ST8SIA4: variants seen among roughly 807,000 people sequenced by gnomAD.
ST8SIA4 encodes the protein ST8 alpha-N-acetyl-neuraminide alpha-2,8-sialyltransferase 4, also known as CMP-N-acetylneuraminate-poly-alpha-2,8-sialyltransferase.
ST8SIA4 carries 15 observed loss-of-function variants against 33.9 expected under a neutral mutation model. The ratio of observed to expected loss-of-function variants is 0.44; its 90% CI spans 0.30 to 0.68. The LOEUF is 0.68. ST8SIA4 is among the 30% of genes least tolerant of loss of function. ST8SIA4 has a pLI of 0.10. For missense variants in ST8SIA4, 321 were observed against 428.0 expected (o/e 0.75, Z 2.21); for synonymous variants, 171 against 151.2 (o/e 1.13, Z -0.96).
At chr5:100,898,356 C>G (rs1295847230) in intron 1 of ST8SIA4, among the ~76,000 whole-genome samples, 1 of 152,126 alleles carries the variant, frequency 6.6e-6, no homozygotes, top group Non-Finnish European at 1.5e-5. Flanking sequence ...CCTAGAAATA[C>G]AGATACATTT....
intron 4 of ST8SIA4, among the ~76,000 whole-genome samples, chr5:100,826,455 G>A (rs1283818197): frequency 6.6e-6 from 1 of 152,104 alleles, no homozygotes; most frequent in Non-Finnish European, 1.5e-5. Context: ...TAAGCCATCT[G>A]GGGAATATGA....
At chr5:100,812,514 GA>G (rs1217237286) in intron 4 of ST8SIA4, among the ~76,000 whole-genome samples, 1 of 151,376 alleles carries the variant, frequency 6.6e-6, no homozygotes, top group East Asian at 1.9e-4. Context: ...AATCCTCCCA[GA>G]AAAAAAAGTT....
intron 4 of ST8SIA4, among the ~76,000 whole-genome samples, chr5:100,828,280 A>T (rs1751183045): frequency 6.6e-6 from 1 of 152,152 alleles, no homozygotes; most frequent in Non-Finnish European, 1.5e-5. Flanking sequence ...ATACGTGCTG[A>T]AATAAGGAAC....
chr5:100,811,750 G>A lies in ST8SIA4; in HGVS notation c.*97C>T. ...CCTTTATTCACCTTTCAGTTCATTG[G>A]TGGATGCTGAAACCCAGCCGTGTTT... On this transcript the variant is annotated 3_prime_UTR_variant, in exon 5 of 5. Coordinates refer to ENST00000231461, the MANE Select transcript of ST8SIA4 (RefSeq NM_005668.6). 1 of 1,244,484 alleles carries A rather than the reference G, an allele frequency of 8.0e-7. No homozygotes were observed. Among genetic ancestry groups the A allele is most frequent in the East Asian group, 2.4e-5 (1 of 41,738 alleles). The allele number at this position is 1,244,484 out of a possible 1,614,324, so 77.1% of individuals were successfully genotyped here. A position where few individuals can be genotyped will look rare whatever the true frequency, so the allele number is the denominator to read the frequency against.
At chr5:100,877,314 G>A (rs1189904932) in intron 3 of ST8SIA4, among the ~76,000 whole-genome samples, 1 of 152,096 alleles carries the variant, frequency 6.6e-6, no homozygotes, top group Non-Finnish European at 1.5e-5. Context: ...GTTCAATGTG[G>A]CTAGGAAACT....
chr5:100,810,040 C>T lies in ST8SIA4; in HGVS notation c.*1807G>A, dbSNP rs1322470953. 2.0e-5 allele frequency: 3 copies of T among 152,038 alleles called. No homozygotes were observed. The highest frequency in any genetic ancestry group is 2.1e-4 in the South Asian group (1 of 4,814). The allele number at this position is 152,038 out of a possible 1,614,324, so 9.4% of individuals were successfully genotyped here. A position where few individuals can be genotyped will look rare whatever the true frequency, so the allele number is the denominator to read the frequency against. ...CCTAAGAAACAAAACATATATATTC[C>T]CCATGCCATTTCTTCTTTCCTCAAA... On this transcript the variant is annotated 3_prime_UTR_variant, in exon 5 of 5. Transcript: ENST00000231461.
At chr5:100,837,250 A>G (rs1014249736) in intron 4 of ST8SIA4, among the ~76,000 whole-genome samples, 1 of 152,042 alleles carries the variant, frequency 6.6e-6, no homozygotes, top group South Asian at 2.1e-4. Context: ...GGATTATTAT[A>G]TAAAGTATCC....
chr5:100,809,238 T>A lies in ST8SIA4; in HGVS notation c.*2609A>T, dbSNP rs1184972135. On this transcript the variant is annotated 3_prime_UTR_variant, in exon 5 of 5. Transcript: ENST00000231461. Reference sequence around the variant, plus strand: ...GCTGAGGTGGGTGGATAACCTGAGGTCAGGAAGTTCAAGACCAGCCTGGCC... The same window carrying A: ...GCTGAGGTGGGTGGATAACCTGAGGACAGGAAGTTCAAGACCAGCCTGGCC... 6.6e-6 allele frequency: 1 copy of A among 151,904 alleles called. No homozygotes were observed. The highest frequency in any genetic ancestry group is 2.4e-5 in the African/African-American group (1 of 41,322). 9.4% of individuals were successfully genotyped at this position (151,904 alleles called of 1,614,324 possible). A position where few individuals can be genotyped will look rare whatever the true frequency, so the allele number is the denominator to read the frequency against.
chr5:100,864,844 T>A (rs1238337184), intron 3 of ST8SIA4, among the ~76,000 whole-genome samples: 2 of 152,152 alleles, frequency 1.3e-5, no homozygotes, highest in Non-Finnish European at 1.5e-5. Context: ...AAACAACCAA[T>A]TATTATAATG....
chr5:100,882,258 T>C (rs373650148), intron 3 of ST8SIA4, among the ~76,000 whole-genome samples: 1 of 152,102 alleles, frequency 6.6e-6, no homozygotes, highest in South Asian at 2.1e-4. Flanking sequence ...GGAGCAAAGG[T>C]GACTCTTTTT....
chr5:100,867,819 A>G (rs1317442178), intron 3 of ST8SIA4, among the ~76,000 whole-genome samples: 4 of 152,028 alleles, frequency 2.6e-5, no homozygotes, highest in Non-Finnish European at 5.9e-5. Flanking sequence ...TTTGATGCTC[A>G]AAAGATGTAG....
At chr5:100,844,913 C>T (rs565489515) in intron 4 of ST8SIA4, among the ~76,000 whole-genome samples, 2 of 152,140 alleles carry the variant, frequency 1.3e-5, no homozygotes, top group African/African-American at 4.8e-5. Context: ...TTTCTTTGAT[C>T]TCTTACCAAT....
chr5:100,815,324 A>G (rs1437018065), intron 4 of ST8SIA4, among the ~76,000 whole-genome samples: 2 of 152,014 alleles, frequency 1.3e-5, no homozygotes, highest in Non-Finnish European at 2.9e-5. Context: ...GGATCTTAAT[A>G]TATGTTACAT....
Position 100,811,616 on chromosome 5 carries a change from G to C in ST8SIA4, c.*231C>G, listed in dbSNP as rs886848266. The C allele has an allele frequency of 2.1e-6, 1 of 480,180 alleles. No homozygotes were observed. Among genetic ancestry groups the C allele is most frequent in the African/African-American group, 1.9e-5 (1 of 51,448 alleles). The allele number at this position is 480,180 out of a possible 1,614,324, so 29.7% of individuals were successfully genotyped here. On this transcript the variant is annotated 3_prime_UTR_variant, in exon 5 of 5. Transcript: ENST00000231461. ...ACACTACTGATTATACATTCAAACT[G>C]TATTCTTAGTGGAAGTGGCACTTAC...
At chr5:100,871,263 G>A (rs1752192776) in intron 3 of ST8SIA4, among the ~76,000 whole-genome samples, 1 of 152,072 alleles carries the variant, frequency 6.6e-6, no homozygotes, top group South Asian at 2.1e-4. Context: ...TTATCTACCA[G>A]TGGAGAATAA....
At chr5:100,855,383 A>G (rs1751792310) in intron 4 of ST8SIA4, among the ~76,000 whole-genome samples, 1 of 152,142 alleles carries the variant, frequency 6.6e-6, no homozygotes, top group South Asian at 2.1e-4. Context: ...GCATTTTTTA[A>G]AGGTAGTGAT....
Position 100,808,698 on chromosome 5 carries a change from T to A in ST8SIA4, c.*3149A>T, listed in dbSNP as rs1338291499. The A allele has an allele frequency of 6.5e-6, 1 of 152,704 alleles. No individual in the cohort carries two copies. Among genetic ancestry groups the A allele is most frequent in the East Asian group, 1.9e-4 (1 of 5,206 alleles). 9.5% of individuals were successfully genotyped at this position (152,704 alleles called of 1,614,324 possible). A position where few individuals can be genotyped will look rare whatever the true frequency, so the allele number is the denominator to read the frequency against. ...CTTTTATAATTTGATTTTGTCATGA[T>A]CCTTTATGCTCCGCTATTGGTTAAA... On this transcript the variant is annotated 3_prime_UTR_variant, in exon 5 of 5. Transcript: ENST00000231461.
intron 1 of ST8SIA4, chr5:100,900,309 G>A (rs1752875002): frequency 2.4e-6 from 1 of 423,984 alleles, no homozygotes; most frequent in Non-Finnish European, 4.9e-6. Flanking sequence ...AGACTGCCTT[G>A]GTTACCTCAC....
At chr5:100,882,266 T>C (rs1178000469) in intron 3 of ST8SIA4, among the ~76,000 whole-genome samples, 1 of 152,148 alleles carries the variant, frequency 6.6e-6, no homozygotes, top group African/African-American at 2.4e-5. Context: ...GGTGACTCTT[T>C]TTATGTTTTA....
Sources: gnomAD v4.1 joint callset for allele counts (sites outside exome capture counted in the v4.1 genomes callset) on GRCh38, gnomAD v4.1.1 for gene constraint, MANE v1.5 for transcripts, NCBI Gene and HGNC (gene_info 2026-07-23, HGNC 2026-07-21) for gene names.